APBB2: variants seen among roughly 807,000 people sequenced by gnomAD.
The protein encoded by APBB2 is Fe65-like 1.
In APBB2, 38 loss-of-function variants were observed where a neutral mutation model predicts 82.5. The ratio of observed to expected loss-of-function variants is 0.46; its 90% CI spans 0.36 to 0.60. The LOEUF (loss-of-function observed/expected upper bound fraction) is 0.60. Among genes scored for constraint, APBB2 ranks in the 20% least tolerant of loss-of-function variants. The probability of loss-of-function intolerance (pLI) is 0.00; values close to 1 mark genes in which losing one functional copy is unlikely to be tolerated. For synonymous variants in APBB2, 341 were observed against 368.2 expected (o/e 0.93, Z 0.85); for missense variants, 772 against 972.3 (o/e 0.79, Z 2.74).
At chr4:41,102,186 A>T (rs944022545) in intron 2 of APBB2, among the ~76,000 whole-genome samples, 8 of 152,212 alleles carry the variant, frequency 5.3e-5, no homozygotes, top group Non-Finnish European at 8.8e-5. Context: ...TACAAGCCAC[A>T]GGAGACTGCA....
intron 10 of APBB2, among the ~76,000 whole-genome samples, chr4:40,908,988 C>A (rs1277580517): frequency 6.6e-6 from 1 of 152,240 alleles, no homozygotes; most frequent in Admixed American, 6.5e-5. Flanking sequence ...CAGGCCACAG[C>A]ACTGCTCTCC....
rs59172492 is a variant in APBB2 at position 40,948,890 on chromosome 4, C to CAAAAAAAAAAAAAAAAAAA, written c.836-3836_836-3818dup. ...GGTGACAGAAGTGAGATCCTGTCTCCAAAAAAAAAAAAAAAAAAAAAAAAA... is the reference window on the plus strand; with the variant it reads ...GGTGACAGAAGTGAGATCCTGTCTCCAAAAAAAAAAAAAAAAAAAAAAAAAAAAAAAAAAAAAAAAAAAA... On this transcript the variant is annotated intron_variant, in intron 6 of 17. Coordinates refer to ENST00000508593, the MANE Select transcript of APBB2 (RefSeq NM_004307.2). 5.9e-5 allele frequency among the ~76,000 whole-genome samples: 6 copies of CAAAAAAAAAAAAAAAAAAA among 101,580 alleles called. 1 individual carries two copies. The highest frequency in any genetic ancestry group is 2.0e-4 in the African/African-American group (5 of 24,632). 66.6% of individuals were successfully genotyped at this position (101,580 alleles called of 152,430 possible). A position where few individuals can be genotyped will look rare whatever the true frequency, so the allele number is the denominator to read the frequency against.
chr4:40,926,917 C>T (rs1782752136), intron 10 of APBB2, among the ~76,000 whole-genome samples: 2 of 152,178 alleles, frequency 1.3e-5, no homozygotes, highest in South Asian at 2.1e-4. Flanking sequence ...GAAAATTGCA[C>T]GTAAGTGCCT....
chr4:41,004,000 A>G (rs1368718962), intron 6 of APBB2, among the ~76,000 whole-genome samples: 1 of 152,168 alleles, frequency 6.6e-6, no homozygotes, highest in Non-Finnish European at 1.5e-5. Flanking sequence ...GGTGTGAGCC[A>G]CCACGCCCAG....
chr4:40,860,207 T>A (rs993180776), intron 12 of APBB2, among the ~76,000 whole-genome samples: 6 of 152,308 alleles, frequency 3.9e-5, no homozygotes, highest in African/African-American at 1.2e-4. Flanking sequence ...CCTTGGAATG[T>A]TGTGCCTGAC....
intron 17 of APBB2, among the ~76,000 whole-genome samples, chr4:40,820,479 C>T (rs1747466143): frequency 6.6e-6 from 1 of 152,002 alleles, no homozygotes; most frequent in Non-Finnish European, 1.5e-5. Flanking sequence ...GCCTGGCCAA[C>T]ATGATGAAGC....
intron 3 of APBB2, among the ~76,000 whole-genome samples, chr4:41,066,289 A>C (rs1001671348): frequency 2.6e-5 from 4 of 152,198 alleles, no homozygotes; most frequent in Non-Finnish European, 5.9e-5. Flanking sequence ...CTCCCTTCTA[A>C]GGGTGACTCC....
intron 7 of APBB2, among the ~76,000 whole-genome samples, chr4:40,941,682 T>C (rs1163721121): frequency 6.6e-6 from 1 of 152,222 alleles, no homozygotes; most frequent in Non-Finnish European, 1.5e-5. Flanking sequence ...CAGGCTGGAG[T>C]GCTATGGTGT....
intron 17 of APBB2, among the ~76,000 whole-genome samples, chr4:40,816,826 C>T (rs1211903981): frequency 1.3e-5 from 2 of 152,156 alleles, no homozygotes; most frequent in African/African-American, 4.8e-5. Context: ...ATAGGCCTAG[C>T]AACACAGAAG....
chr4:41,053,042 G>A (rs1328994646), intron 4 of APBB2, among the ~76,000 whole-genome samples: 3 of 152,148 alleles, frequency 2.0e-5, no homozygotes, highest in Admixed American at 2.0e-4. Flanking sequence ...TGGGATTACA[G>A]GCGTAGGCCA....
intron 6 of APBB2, among the ~76,000 whole-genome samples, chr4:40,985,793 T>G (rs1800267192): frequency 6.6e-6 from 1 of 152,158 alleles, no homozygotes; most frequent in Admixed American, 6.5e-5. Flanking sequence ...TTATCCAAAT[T>G]TGAGTTAGAA....
chr4:40,865,511 C>A (rs1257530037), intron 12 of APBB2, among the ~76,000 whole-genome samples: 1 of 152,176 alleles, frequency 6.6e-6, no homozygotes, highest in Non-Finnish European at 1.5e-5. Flanking sequence ...TCTGTCCCTG[C>A]AGTTTTGCCT....
At chr4:41,159,060 A>C (rs1345168212) in intron 1 of APBB2, among the ~76,000 whole-genome samples, 1 of 152,160 alleles carries the variant, frequency 6.6e-6, no homozygotes, top group East Asian at 1.9e-4. Context: ...CTCAGGTTGT[A>C]CTGAACCACA....
At chr4:40,953,399 A>G (rs1191703523) in intron 6 of APBB2, among the ~76,000 whole-genome samples, 2 of 152,078 alleles carry the variant, frequency 1.3e-5, no homozygotes, top group Admixed American at 1.3e-4. Context: ...ACATAACCAA[A>G]CAATGGCTAC....
At chr4:40,990,551 CT>C (rs1320591501) in intron 6 of APBB2, among the ~76,000 whole-genome samples, 1 of 152,166 alleles carries the variant, frequency 6.6e-6, no homozygotes, top group African/African-American at 2.4e-5. Context: ...CAGCAAACAG[CT>C]CAGGATTTCC....
At chr4:40,900,473 T>TA (rs551704339) in intron 10 of APBB2, among the ~76,000 whole-genome samples, 7 of 149,008 alleles carry the variant, frequency 4.7e-5, no homozygotes, top group Admixed American at 4.7e-4. Flanking sequence ...TTTTTTTTTT[T>TA]AAGATGGAGT....
chr4:40,818,942 T>C (rs1746790668), intron 17 of APBB2, among the ~76,000 whole-genome samples: 1 of 152,152 alleles, frequency 6.6e-6, no homozygotes, highest in South Asian at 2.1e-4. Context: ...CTTGAACTCC[T>C]GGGCTCAAGG....
intron 12 of APBB2, among the ~76,000 whole-genome samples, chr4:40,879,254 GC>G (rs1471678301): frequency 6.6e-6 from 1 of 151,904 alleles, no homozygotes. Context: ...ACTCACAGAA[GC>G]AGGAACTCTT....
At chr4:40,846,257 G>A (rs963183563) in intron 12 of APBB2, among the ~76,000 whole-genome samples, 1 of 150,180 alleles carries the variant, frequency 6.7e-6, no homozygotes, top group Non-Finnish European at 1.5e-5. Context: ...AGAGGGAAGG[G>A]GAGCTCCACG....
Sources: allele counts gnomAD v4.1 joint callset (sites outside exome capture counted in the v4.1 genomes callset), GRCh38; gene constraint gnomAD v4.1.1; transcripts MANE v1.5; gene names NCBI Gene and HGNC (gene_info 2026-07-23, HGNC 2026-07-21).